The following PITPNM3 variants were observed in gnomAD, a reference collection of about 807,000 sequenced individuals.
PITPNM3 encodes membrane-associated phosphatidylinositol transfer protein 3.
PITPNM3 carries 26 observed loss-of-function variants against 102.0 expected under a neutral mutation model. The ratio of observed to expected loss-of-function variants is 0.25; its 90% CI spans 0.19 to 0.35. PITPNM3 has a LOEUF of 0.35. Ranked by LOEUF, PITPNM3 falls within the 10% of genes least tolerant of loss-of-function variation. PITPNM3 has a pLI of 1.00. For missense variants in PITPNM3, 1,083 were observed against 1,346.1 expected (o/e 0.80, Z 3.06); for synonymous variants, 578 against 558.6 (o/e 1.03, Z -0.49).
chr17:6,526,954 C>T (rs1393958822), intron 2 of PITPNM3, among the ~76,000 whole-genome samples: 1 of 152,226 alleles, frequency 6.6e-6, no homozygotes, highest in African/African-American at 2.4e-5. Context: ...CACATTCGGA[C>T]AATTTCCTGA....
At chr17:6,507,773 G>C (rs1216288079) in intron 3 of PITPNM3, among the ~76,000 whole-genome samples, 1 of 152,106 alleles carries the variant, frequency 6.6e-6, no homozygotes, top group East Asian at 1.9e-4. Flanking sequence ...CCAGCGCAGG[G>C]AGGAGCCGGG....
In PITPNM3 at chr17:6,482,024, C is replaced by CTCTCTCTG. The variant is rs1905747057; in HGVS notation, c.587+1492_587+1493insCAGAGAGA. Among the ~76,000 whole-genome samples the CTCTCTCTG allele has an allele frequency of 1.4e-4, 14 of 100,974 alleles. 2 individuals are homozygous for CTCTCTCTG. The highest frequency in any genetic ancestry group is 2.5e-4 in the Non-Finnish European group (13 of 52,498). The allele number at this position is 100,974 out of a possible 152,430, so 66.2% of individuals were successfully genotyped here. A position where few individuals can be genotyped will look rare whatever the true frequency, so the allele number is the denominator to read the frequency against. On this transcript the variant is annotated intron_variant, in intron 6 of 19. Coordinates refer to ENST00000262483, the MANE Select transcript of PITPNM3 (RefSeq NM_031220.4). ...TCTCTCTCTCTCTCTCTCTCTCTCT[C>CTCTCTCTG]TCTCTCTCTCTGTCTGTCTCTCTCT...
chr17:6,456,898 T>C (rs970470123), intron 19 of PITPNM3, among the ~76,000 whole-genome samples: 2 of 152,168 alleles, frequency 1.3e-5, no homozygotes, highest in Non-Finnish European at 2.9e-5. Flanking sequence ...TACCAAAAAA[T>C]GCCTCTCAGA....
Position 6,491,712 on chromosome 17 carries a change from C to G in PITPNM3, c.275-7420G>C, listed in dbSNP as rs538855169. 6.6e-5 allele frequency among the ~76,000 whole-genome samples: 10 copies of G among 151,616 alleles called. No individual in the cohort carries two copies. The South Asian group carries it at 2.1e-3, about 32-fold the overall frequency. On this transcript the variant is annotated intron_variant, in intron 4 of 19. Coordinates refer to ENST00000262483, the MANE Select transcript of PITPNM3 (RefSeq NM_031220.4). ...ATTGCAGAAAAGGAAAAATGACAATCTAAATAATGGTGGGGGAGGTGGGGG... is the reference window on the plus strand; with the variant it reads ...ATTGCAGAAAAGGAAAAATGACAATGTAAATAATGGTGGGGGAGGTGGGGG...
intron 4 of PITPNM3, among the ~76,000 whole-genome samples, chr17:6,489,516 C>T (rs1906309230): frequency 6.6e-6 from 1 of 151,872 alleles, no homozygotes; most frequent in Non-Finnish European, 1.5e-5. Flanking sequence ...GGTCACCAGG[C>T]CAGGGCTCTT....
intron 5 of PITPNM3, 49 bp from the exon 6 acceptor site, chr17:6,483,801 G>A: frequency 6.5e-7 from 1 of 1,536,172 alleles, no homozygotes; most frequent in Non-Finnish European, 8.9e-7. Flanking sequence ...GCTGGGGTCG[G>A]GGGAGGCACA....
chr17:6,549,476 C>T (rs1910194241), intron 1 of PITPNM3, among the ~76,000 whole-genome samples: 1 of 152,172 alleles, frequency 6.6e-6, no homozygotes, highest in African/African-American at 2.4e-5. Context: ...GGACCCAGCT[C>T]CCACCCCAGA....
chr17:6,486,348 C>T (rs1363300556), intron 4 of PITPNM3, among the ~76,000 whole-genome samples: 1 of 152,166 alleles, frequency 6.6e-6, no homozygotes, highest in Admixed American at 6.5e-5. Flanking sequence ...CCTGCTGCTC[C>T]CCTCTAGGAG....
rs1356915102 is a variant in PITPNM3 at position 6,457,199 on chromosome 17, T to C, written c.2619+395A>G. ...GCTGCCTCTGTCACAAATATTCTTC[T>C]CAATCTCAGGCCCTTCCTGGACCAT... On this transcript the variant is annotated intron_variant, in intron 19 of 19. Coordinates refer to ENST00000262483, the MANE Select transcript of PITPNM3 (RefSeq NM_031220.4). This position sits in a 1 kb window ranked among gnomAD's most constrained non-coding sequence, Gnocchi z 4.7. 6.6e-6 allele frequency among the ~76,000 whole-genome samples: 1 copy of C among 152,158 alleles called. No homozygotes were observed. Among genetic ancestry groups the C allele is most frequent in the East Asian group, 1.9e-4 (1 of 5,174 alleles).
At chr17:6,498,959 G>A (rs1469933607) in intron 4 of PITPNM3, among the ~76,000 whole-genome samples, 1 of 152,168 alleles carries the variant, frequency 6.6e-6, no homozygotes, top group Non-Finnish European at 1.5e-5. Context: ...GAGGAAGCCA[G>A]GGGACAGAGA....
intron 19 of PITPNM3, among the ~76,000 whole-genome samples, chr17:6,456,931 C>T (rs1387417906): frequency 2.6e-5 from 4 of 152,178 alleles, no homozygotes; most frequent in Non-Finnish European, 5.9e-5. Flanking sequence ...TCTTCAATGT[C>T]CTCTCGGCTT....
At chr17:6,483,832 T>C in intron 5 of PITPNM3, 80 bp from the exon 6 acceptor site, 2 of 1,202,438 alleles carry the variant, frequency 1.7e-6, no homozygotes, top group Non-Finnish European at 2.4e-6. Flanking sequence ...CACACACATG[T>C]GCGCATACAC....
At chr17:6,548,862 G>T (rs1223234786) in intron 1 of PITPNM3, among the ~76,000 whole-genome samples, 1 of 152,110 alleles carries the variant, frequency 6.6e-6, no homozygotes, top group Non-Finnish European at 1.5e-5. Context: ...CTCCCAGACA[G>T]AGCCCAACGC....
intron 1 of PITPNM3, among the ~76,000 whole-genome samples, chr17:6,539,908 A>T (rs1909642892): frequency 6.6e-6 from 1 of 152,200 alleles, no homozygotes; most frequent in Admixed American, 6.5e-5. Flanking sequence ...AAGAAGCAAG[A>T]GTTTAAGTAG....
intron 3 of PITPNM3, among the ~76,000 whole-genome samples, chr17:6,520,183 A>G (rs908879486): frequency 1.3e-5 from 2 of 152,260 alleles, no homozygotes; most frequent in African/African-American, 4.8e-5. Context: ...ACCATTACAT[A>G]AAATGTTGAA....
chr17:6,556,502 C>T lies in PITPNM3; in HGVS notation c.-96G>A. On this transcript the variant is annotated 5_prime_UTR_variant, in exon 1 of 20. Coordinates refer to ENST00000262483, the MANE Select transcript of PITPNM3 (RefSeq NM_031220.4). This position sits in a 1 kb window ranked among gnomAD's most constrained non-coding sequence, Gnocchi z 5.2. ...CCGGCCCCGAACGGACTCCGAGCGCCGCGCCCGCGCCCCCGCCCCGCTCGC... is the reference window on the plus strand; with the variant it reads ...CCGGCCCCGAACGGACTCCGAGCGCTGCGCCCGCGCCCCCGCCCCGCTCGC... 1.2e-6 allele frequency: 1 copy of T among 827,966 alleles called. No individual in the cohort carries two copies. The highest frequency in any genetic ancestry group is 1.5e-6 in the Non-Finnish European group (1 of 683,732). The allele number at this position is 827,966 out of a possible 1,614,324, so 51.3% of individuals were successfully genotyped here.
At chr17:6,496,370 T>C (rs1196435761) in intron 4 of PITPNM3, among the ~76,000 whole-genome samples, 1 of 152,108 alleles carries the variant, frequency 6.6e-6, no homozygotes, top group East Asian at 1.9e-4. Flanking sequence ...CCTCCCTCTC[T>C]GAACTCAGCC....
intron 2 of PITPNM3, among the ~76,000 whole-genome samples, chr17:6,532,262 A>C (rs756152298): frequency 6.6e-6 from 1 of 152,150 alleles, no homozygotes; most frequent in Non-Finnish European, 1.5e-5. Flanking sequence ...ACCCTCTAGC[A>C]GCCATCCACT....
intron 3 of PITPNM3, among the ~76,000 whole-genome samples, chr17:6,510,980 G>A (rs1907835108): frequency 6.6e-6 from 1 of 152,240 alleles, no homozygotes; most frequent in Non-Finnish European, 1.5e-5. Context: ...GGGTGGAAGA[G>A]GAGGGGAGGG....
Sources: allele counts gnomAD v4.1 joint callset (sites outside exome capture counted in the v4.1 genomes callset), GRCh38; gene constraint gnomAD v4.1.1; non-coding constraint Gnocchi (gnomAD v3.1); transcripts MANE v1.5; gene names NCBI Gene and HGNC (gene_info 2026-07-23, HGNC 2026-07-21).